Variants in ANKRD11 observed in about 807,000 individuals in gnomAD.
The protein encoded by ANKRD11 is ankyrin repeat domain 11.
ANKRD11 carries 17 observed loss-of-function variants against 195.7 expected under a neutral mutation model. That is an observed-to-expected ratio of 0.09 (90% CI 0.06 to 0.13). The LOEUF (loss-of-function observed/expected upper bound fraction) is 0.13, where lower values mean the gene tolerates loss of function less well. ANKRD11 is among the 10% of genes least tolerant of loss of function. The pLI is 1.00. For missense variants in ANKRD11, 3,735 were observed against 3,566.1 expected, an observed-to-expected ratio of 1.05 and a Z score of -1.21; for synonymous variants, 1,953 against 1,528.1, an observed-to-expected ratio of 1.28 and a Z score of -6.49.
intron 1 of ANKRD11, among the ~76,000 whole-genome samples, chr16:89,461,051 C>G (rs558688592): frequency 1.6e-5 from 2 of 124,736 alleles, no homozygotes; most frequent in Admixed American, 8.7e-5. Flanking sequence ...ACCACCCCCC[C>G]GCAGGAGACG....
chr16:89,487,008 C>A (rs377456280), intron 1 of ANKRD11, among the ~76,000 whole-genome samples: 406 of 126,108 alleles, frequency 3.2e-3, no homozygotes, highest in Non-Finnish European at 3.3e-3. Flanking sequence ...GACTCCGTCT[C>A]AAAAAAAAAA....
chr16:89,341,970 A>G lies in ANKRD11; in HGVS notation c.-59-24892T>C, dbSNP rs866602241. Among the ~76,000 whole-genome samples, 432 of 129,806 alleles carry G rather than the reference A, an allele frequency of 3.3e-3. 2 individuals are homozygous for G. The East Asian group carries it at 0.035, about 10-fold the overall frequency. The allele number at this position is 129,806 out of a possible 152,430, so 85.2% of individuals were successfully genotyped here. Reference sequence around the variant, plus strand: ...ACGAACAGCAGCCACGGCCCATGGCAGGAGTGCTGCACCTCCACCCACAGC... The same window carrying G: ...ACGAACAGCAGCCACGGCCCATGGCGGGAGTGCTGCACCTCCACCCACAGC... On this transcript the variant is annotated intron_variant, in intron 2 of 12. Coordinates refer to ENST00000301030, the MANE Select transcript of ANKRD11 (RefSeq NM_013275.6).
In ANKRD11 at chr16:89,279,195, C is replaced by T. The variant is rs1312673042; in HGVS notation, c.7347G>A (p.Glu2449=). The T allele has an allele frequency of 6.2e-7, 1 of 1,612,542 alleles. No individual in the cohort carries two copies. Among genetic ancestry groups the T allele is most frequent in the East Asian group, 2.2e-5 (1 of 44,870 alleles). ...TACAGCACAGGATCTTGCGCTTCTC[C>T]TCGATCTTCTTCCTGATCTGCAGGT... ...FEYLQIRKKI[E]EKRKILCCIT... The change falls in exon 9 of 13, where the codon GAG becomes GAA. Residue 2449 remains glutamate, a synonymous_variant. Coordinates refer to ENST00000301030, the MANE Select transcript of ANKRD11 (RefSeq NM_013275.6). The surrounding 1 kb of genome is among the most constrained non-coding windows in gnomAD (Gnocchi z 5.6).
rs1424553630 is a variant in ANKRD11 at position 89,433,101 on chromosome 16, C to G, written c.-144-14733G>C. On this transcript the variant is annotated intron_variant, in intron 1 of 12. Transcript: ENST00000301030. ...CTCCCTTGGCCTCTGAGCATTTTAC[C>G]CTTTTGATCCATTCAGCTTCTTTAG... is the stretch of plus-strand genomic sequence containing the variant. 5.3e-5 allele frequency among the ~76,000 whole-genome samples: 8 copies of G among 151,978 alleles called. No individual in the cohort carries two copies. The East Asian group carries it at 1.5e-3, about 29-fold the overall frequency.
intron 2 of ANKRD11, chr16:89,339,853 G>A (rs773214141): frequency 1.2e-4 from 18 of 152,108 alleles, no homozygotes; most frequent in Non-Finnish European, 2.5e-4. Flanking sequence ...CATTCCTCTC[G>A]GCGCTTTGAT....
chr16:89,424,422 C>T (rs2042635208), intron 1 of ANKRD11, among the ~76,000 whole-genome samples: 1 of 144,102 alleles, frequency 6.9e-6, no homozygotes, highest in Admixed American at 7.1e-5. Context: ...GGCTGGGTGA[C>T]AAGAGCAAAA....
At chr16:89,277,132 T>C (rs994039788) in intron 9 of ANKRD11, among the ~76,000 whole-genome samples, 1 of 151,500 alleles carries the variant, frequency 6.6e-6, no homozygotes, top group Non-Finnish European at 1.5e-5. Flanking sequence ...CAGCACCACA[T>C]CCACCCTGCC....
At position 89,281,913 on chromosome 16, in the gene ANKRD11, G is replaced by T. The variant is rs769396868; in HGVS notation, c.4629C>A (p.Gly1543=). The T allele has an allele frequency of 4.3e-6, 7 of 1,613,246 alleles. No individual in the cohort carries two copies. The highest frequency in any genetic ancestry group is 5.9e-6 in the Non-Finnish European group (7 of 1,180,032). ...TCCCGTTGCTCATCTTCACTGGGTC[G>T]CCCTTTTCTTTCTCTGCACCGTCCT... is the stretch of plus-strand genomic sequence containing the variant. ...KFKDGAEKEK[G]DPVKMSNGND... Residue 1543 remains glycine, a synonymous_variant, in exon 9 of 13, where the codon GGC becomes GGA. Transcript: ENST00000301030. The surrounding 1 kb of genome is among the most constrained non-coding windows in gnomAD (Gnocchi z 5.5).
intron 4 of ANKRD11, among the ~76,000 whole-genome samples, chr16:89,298,642 C>A (rs1225801274): frequency 2.0e-5 from 3 of 152,174 alleles, no homozygotes; most frequent in Non-Finnish European, 4.4e-5. Context: ...GTCTTGTGGA[C>A]CCCAGCTTGT....
intron 10 of ANKRD11, 39 bp downstream of exon 10, chr16:89,275,054 C>G (rs1397719622): frequency 6.2e-7 from 1 of 1,612,526 alleles, no homozygotes; most frequent in Non-Finnish European, 8.5e-7. Flanking sequence ...GTGAAAAGCC[C>G]TGGCCGTGGC....
At position 89,428,463 on chromosome 16, in the gene ANKRD11, T is replaced by G. The variant is rs577768271; in HGVS notation, c.-144-10095A>C. On this transcript the variant is annotated intron_variant, in intron 1 of 12. Transcript: ENST00000301030. ...ATGTTGTGAACCTGGGAGGCGGAGC[T>G]TGCAGTGAGCCGAGACTGCGCCCTA... Among the ~76,000 whole-genome samples the G allele has an allele frequency of 3.7e-4, 56 of 151,974 alleles. 2 individuals are homozygous for G. In the East Asian group the frequency reaches 8.4e-3, roughly 23 times the overall value.
intron 1 of ANKRD11, among the ~76,000 whole-genome samples, chr16:89,452,523 T>A (rs947451753): frequency 2.1e-4 from 32 of 151,970 alleles, no homozygotes; most frequent in African/African-American, 7.5e-4. Flanking sequence ...AGAATGCTGC[T>A]CTCAGCACTC....
In ANKRD11 at chr16:89,285,668, G is replaced by A. The variant is rs117052164; in HGVS notation, c.893-19C>T. 3,567 of 1,613,510 alleles carry A rather than the reference G, an allele frequency of 2.2e-3. 50 individuals are homozygous for A. The highest frequency in any genetic ancestry group is 0.012 in the East Asian group (555 of 44,872). On this transcript the variant is annotated intron_variant, in intron 8 of 12. Transcript: ENST00000301030. The surrounding 1 kb of genome is among the most constrained non-coding windows in gnomAD (Gnocchi z 5.6). ...GAGCTCTCTGTTGGAGGTAGGAAGC[G>A]AGAGGTCACAGGCAGGCTCAAAACA... is the stretch of plus-strand genomic sequence containing the variant.
intron 1 of ANKRD11, among the ~76,000 whole-genome samples, chr16:89,418,965 A>T: frequency 6.6e-6 from 1 of 151,932 alleles, no homozygotes; most frequent in South Asian, 2.1e-4. Flanking sequence ...CAGGTGTTCC[A>T]ATCACCTCGG....
At chr16:89,314,132 G>GAGGCTGAAGTAGC (rs1301638455) in intron 3 of ANKRD11, among the ~76,000 whole-genome samples, 4 of 152,124 alleles carry the variant, frequency 2.6e-5, no homozygotes, top group Admixed American at 6.5e-5. Context: ...GCTGAAGTAG[G>GAGGCTGAAGTAGC]AGGACTGCTT....
intron 1 of ANKRD11, chr16:89,459,529 A>C (rs1334138642): frequency 1.3e-5 from 2 of 152,198 alleles, no homozygotes; most frequent in African/African-American, 4.8e-5. Flanking sequence ...CCTTAAGTGA[A>C]TTTGTGGACC....
intron 2 of ANKRD11, among the ~76,000 whole-genome samples, chr16:89,357,667 G>A (rs911640376): frequency 1.3e-5 from 2 of 152,194 alleles, no homozygotes; most frequent in Non-Finnish European, 2.9e-5. Flanking sequence ...ACAGCATAAC[G>A]CGACTCAGCC....
At chr16:89,409,111 C>T (rs768743062) in intron 2 of ANKRD11, among the ~76,000 whole-genome samples, 4 of 152,158 alleles carry the variant, frequency 2.6e-5, no homozygotes, top group Non-Finnish European at 4.4e-5. Flanking sequence ...GCCAGTGAGC[C>T]CTGGGGCCAG....
chr16:89,361,795 A>G (rs2039743200), intron 2 of ANKRD11: 1 of 152,282 alleles, frequency 6.6e-6, no homozygotes, highest in Non-Finnish European at 1.5e-5. Context: ...CAAAGTAAAA[A>G]GATTTAAGCT....
Sources: allele counts gnomAD v4.1 joint callset (sites outside exome capture counted in the v4.1 genomes callset), GRCh38; gene constraint gnomAD v4.1.1; non-coding constraint Gnocchi (gnomAD v3.1); transcripts MANE v1.5; gene names NCBI Gene and HGNC (gene_info 2026-07-23, HGNC 2026-07-21).